The following RSF1 variants were observed in gnomAD, a reference collection of about 807,000 sequenced individuals.
The protein encoded by RSF1 is HBV pX-associated protein 8.
Under a neutral mutation model 145.2 loss-of-function variants are expected in RSF1, and 13 were observed. The observed-to-expected ratio is 0.09, with a 90% CI of 0.06 to 0.14. The LOEUF (loss-of-function observed/expected upper bound fraction) is 0.14. Among genes scored for constraint, RSF1 ranks in the 10% least tolerant of loss-of-function variants. The probability of loss-of-function intolerance (pLI) is 1.00; values close to 1 mark genes in which losing one functional copy is unlikely to be tolerated. For missense variants in RSF1, 1,517 were observed against 1,718.2 expected (o/e 0.88, Z 2.07); for synonymous variants, 577 against 592.6 (o/e 0.97, Z 0.38).
chr11:77,737,493 A>AACAACAACAAC (rs562370127), intron 4 of RSF1, among the ~76,000 whole-genome samples: 10 of 146,292 alleles, frequency 6.8e-5, no homozygotes, highest in African/African-American at 2.4e-4. Context: ...ACAACAACAA[A>AACAACAACAAC]AAAACGGAAA....
upstream of RSF1, chr11:77,820,824 C>T (rs571947237): frequency 4.4e-6 from 5 of 1,134,660 alleles, no homozygotes; most frequent in East Asian, 2.6e-5. Context: ...AAGTGGGCTC[C>T]TCTGCGGATC....
chr11:77,816,842 G>C (rs2135993510), intron 1 of RSF1, among the ~76,000 whole-genome samples: 1 of 152,248 alleles, frequency 6.6e-6, no homozygotes, highest in Non-Finnish European at 1.5e-5. Context: ...TAGACTGCAG[G>C]GAGAGGAGGA....
chr11:77,689,841 C>G (rs1211358173), intron 9 of RSF1, among the ~76,000 whole-genome samples: 1 of 152,150 alleles, frequency 6.6e-6, no homozygotes, highest in East Asian at 1.9e-4. Context: ...AGAGGAGGCT[C>G]AAGTTCAGTC....
rs140312256 is a variant in RSF1, at chr11:77,745,000, T to C, written c.372+2036A>G. Among the ~76,000 whole-genome samples the C allele has an allele frequency of 5.0e-3, 756 of 152,314 alleles. 9 individuals carry two copies. The highest frequency in any genetic ancestry group is 0.017 in the African/African-American group (711 of 41,570). On this transcript the variant is annotated intron_variant, in intron 3 of 15. Coordinates refer to ENST00000308488, the MANE Select transcript of RSF1 (RefSeq NM_016578.4). The stretch of plus-strand genomic sequence containing the variant: ...CTTACTTGTTATTAGTCTGTTCAGA[T>C]TTTCTATTTCTTCGTAATTCAGTCT...
At chr11:77,846,874 C>G in the RSF1 span, among the ~76,000 whole-genome samples, 2 of 152,066 alleles carry the variant, frequency 1.3e-5, no homozygotes, top group African/African-American at 4.8e-5. Context: ...CCTGAATAAT[C>G]AGACTATGCC....
intron 3 of RSF1, among the ~76,000 whole-genome samples, chr11:77,744,401 G>A (rs1410599115): frequency 6.6e-6 from 1 of 152,116 alleles, no homozygotes; most frequent in Non-Finnish European, 1.5e-5. Context: ...CACAGCTCAA[G>A]CAATCCTCTG....
the RSF1 span, chr11:77,831,888 T>TTA: frequency 6.6e-6 from 1 of 150,964 alleles, no homozygotes; most frequent in Non-Finnish European, 1.4e-5. Context: ...TTTTTTTTTT[T>TTA]TAGTAGAGAT....
chr11:77,678,961 C>T (rs1261785445), intron 11 of RSF1, among the ~76,000 whole-genome samples: 1 of 152,178 alleles, frequency 6.6e-6, no homozygotes, highest in African/African-American at 2.4e-5. Flanking sequence ...CGGTTACTTT[C>T]TGATAGCAGC....
intron 5 of RSF1, among the ~76,000 whole-genome samples, chr11:77,722,697 T>C (rs1960968690): frequency 6.6e-6 from 1 of 152,120 alleles, no homozygotes; most frequent in Non-Finnish European, 1.5e-5. Context: ...CCTCAAAGAG[T>C]TGCTATGAGG....
chr11:77,668,410 T>G (rs1224924856), intron 15 of RSF1, among the ~76,000 whole-genome samples: 1 of 152,226 alleles, frequency 6.6e-6, no homozygotes, highest in East Asian at 1.9e-4. Flanking sequence ...TAGGTTATCA[T>G]GTCAACACGC....
At chr11:77,868,733 G>T in the RSF1 span, 1 of 229,734 alleles carries the variant, frequency 4.4e-6, no homozygotes. Flanking sequence ...AATTCACAGG[G>T]AATAGGCTCC....
chr11:77,765,352 C>T (rs1183297615), intron 1 of RSF1, among the ~76,000 whole-genome samples: 2 of 152,178 alleles, frequency 1.3e-5, no homozygotes, highest in African/African-American at 2.4e-5. Context: ...TCCAATCTAT[C>T]CCTTGTCTGA....
chr11:77,770,418 G>A (rs1041708918), intron 1 of RSF1, among the ~76,000 whole-genome samples: 11 of 152,252 alleles, frequency 7.2e-5, no homozygotes, highest in Non-Finnish European at 1.0e-4. Context: ...TCGTGCCACT[G>A]CACTCCAGCC....
At chr11:77,749,492 G>A (rs879646687) in intron 2 of RSF1, among the ~76,000 whole-genome samples, 2 of 152,126 alleles carry the variant, frequency 1.3e-5, no homozygotes, top group Non-Finnish European at 2.9e-5. Flanking sequence ...GTATCTGAGA[G>A]GTGAAAAACG....
chr11:77,816,004 T>G (rs1181900039), intron 1 of RSF1, among the ~76,000 whole-genome samples: 1 of 152,206 alleles, frequency 6.6e-6, no homozygotes, highest in Admixed American at 6.5e-5. Context: ...TCCTAGTTCC[T>G]AGGACAATGA....
the RSF1 span, among the ~76,000 whole-genome samples, chr11:77,838,761 C>T: frequency 7.9e-5 from 12 of 151,864 alleles, no homozygotes; most frequent in East Asian, 3.9e-4. Flanking sequence ...AGACTACAGG[C>T]GCCCACCACT....
chr11:77,848,087 T>C, the RSF1 span, among the ~76,000 whole-genome samples: 12 of 152,238 alleles, frequency 7.9e-5, no homozygotes, highest in Non-Finnish European at 1.5e-4. Context: ...ATCTCATCCA[T>C]AGACATTCTC....
intron 1 of RSF1, among the ~76,000 whole-genome samples, chr11:77,771,322 G>T (rs1435883123): frequency 6.6e-6 from 1 of 152,198 alleles, no homozygotes; most frequent in South Asian, 2.1e-4. Context: ...AAAACCATCA[G>T]GAAATGCCTC....
At chr11:77,776,559 T>C (rs72949667) in intron 1 of RSF1, among the ~76,000 whole-genome samples, 3,242 of 152,300 alleles carry the variant, frequency 0.021, 44 homozygotes, top group Middle Eastern at 0.099. Flanking sequence ...TTTCTAGTTA[T>C]TTCAATAAAT....
Sources: gnomAD v4.1 joint callset for allele counts (sites outside exome capture counted in the v4.1 genomes callset) on GRCh38, gnomAD v4.1.1 for gene constraint, MANE v1.5 for transcripts, NCBI Gene and HGNC (gene_info 2026-07-23, HGNC 2026-07-21) for gene names.